Variants in ERAP1 observed in about 807,000 individuals in gnomAD.
The protein encoded by ERAP1 is adipocyte-derived leucine aminopeptidase.
In ERAP1, 86 loss-of-function variants were observed where a neutral mutation model predicts 103.7. The observed-to-expected ratio is 0.83, with a 90% CI of 0.70 to 0.99. The LOEUF (loss-of-function observed/expected upper bound fraction) is 0.99. Ranked by LOEUF, ERAP1 falls within the 50% of genes least tolerant of loss-of-function variation. ERAP1 has a pLI of 0.00. For missense variants in ERAP1, 1,009 were observed against 1,128.4 expected, an observed-to-expected ratio of 0.89 and a Z score of 1.52; for synonymous variants, 398 against 402.4, an observed-to-expected ratio of 0.99 and a Z score of 0.13.
chr5:96,770,279 G>A (rs770765416), downstream of ERAP1: 1 of 465,602 alleles, frequency 2.1e-6, no homozygotes, highest in Non-Finnish European at 4.0e-6. Flanking sequence ...GTCTGGGTGA[G>A]TCAGGCACCA....
chr5:96,882,981 G>C, the ERAP1 span, among the ~76,000 whole-genome samples: 1 of 152,116 alleles, frequency 6.6e-6, no homozygotes, highest in African/African-American at 2.4e-5. Context: ...TAACTGTACA[G>C]TTTCAGGCAT....
the ERAP1 span, among the ~76,000 whole-genome samples, chr5:96,845,654 C>G: frequency 6.6e-6 from 1 of 152,166 alleles, no homozygotes. Flanking sequence ...TTTGCCTATT[C>G]AAACTTTTAA....
At chr5:96,764,810 T>C (rs1769272209) in intron 19 of ERAP1, among the ~76,000 whole-genome samples, 1 of 152,228 alleles carries the variant, frequency 6.6e-6, no homozygotes, top group Non-Finnish European at 1.5e-5. Flanking sequence ...ATGTTTGTTT[T>C]CATATCCAGT....
the ERAP1 span, among the ~76,000 whole-genome samples, chr5:96,864,822 T>C: frequency 6.6e-6 from 1 of 152,154 alleles, no homozygotes; most frequent in Admixed American, 6.5e-5. Context: ...ACTTTTTTTT[T>C]CAAAGTGACT....
chr5:96,776,988 GTATGT>G (rs140652672), intron 18 of ERAP1: 14,653 of 165,188 alleles, frequency 0.089, 854 homozygotes, highest in Middle Eastern at 0.15. Context: ...GCCTGGCCTT[GTATGT>G]TATTATAGAA....
intron 3 of ERAP1, among the ~76,000 whole-genome samples, chr5:96,799,755 T>C (rs1219260612): frequency 6.6e-6 from 1 of 152,232 alleles, no homozygotes; most frequent in African/African-American, 2.4e-5. Flanking sequence ...AAATTTATAT[T>C]AGGAAAATAG....
the ERAP1 span, among the ~76,000 whole-genome samples, chr5:96,931,925 ATGTC>A: frequency 1.3e-5 from 2 of 152,332 alleles, no homozygotes; most frequent in East Asian, 3.9e-4. Flanking sequence ...GAAATGATAA[ATGTC>A]TGTATCATTT....
chr5:96,871,450 G>A, the ERAP1 span, among the ~76,000 whole-genome samples: 6 of 152,270 alleles, frequency 3.9e-5, no homozygotes, highest in African/African-American at 1.4e-4. Context: ...TTTTAAGTAG[G>A]GGAGAAGCCA....
At chr5:96,836,448 C>G in the ERAP1 span, among the ~76,000 whole-genome samples, 1 of 152,116 alleles carries the variant, frequency 6.6e-6, no homozygotes, top group Non-Finnish European at 1.5e-5. Context: ...GTGATCCCCC[C>G]ACTTCAGCCT....
the ERAP1 span, among the ~76,000 whole-genome samples, chr5:96,886,104 C>G: frequency 6.6e-6 from 1 of 152,222 alleles, no homozygotes; most frequent in African/African-American, 2.4e-5. Flanking sequence ...GTGGAACTAG[C>G]CATGTGATCT....
At chr5:96,846,162 A>G in the ERAP1 span, among the ~76,000 whole-genome samples, 1 of 152,320 alleles carries the variant, frequency 6.6e-6, no homozygotes, top group South Asian at 2.1e-4. Context: ...CTAGTTTAGC[A>G]GTTCTTAAAT....
the ERAP1 span, among the ~76,000 whole-genome samples, chr5:96,900,865 G>C: frequency 3.3e-5 from 5 of 152,056 alleles, no homozygotes; most frequent in African/African-American, 1.2e-4. Context: ...TTTCAGTAGA[G>C]ATGGGGTTTC....
the ERAP1 span, chr5:96,909,438 G>T: frequency 1.4e-6 from 1 of 701,180 alleles, no homozygotes. Flanking sequence ...GCCAGAAAAA[G>T]ATAAGAGAAA....
the ERAP1 span, among the ~76,000 whole-genome samples, chr5:96,913,035 A>T: frequency 1.3e-5 from 2 of 152,246 alleles, no homozygotes; most frequent in African/African-American, 2.4e-5. Context: ...TATCTTCAGA[A>T]ACTTGAAGAA....
At chr5:96,843,888 C>T in the ERAP1 span, among the ~76,000 whole-genome samples, 1 of 152,202 alleles carries the variant, frequency 6.6e-6, no homozygotes, top group Non-Finnish European at 1.5e-5. Flanking sequence ...AATTGCAAAT[C>T]ACAAAATCTT....
intron 8 of ERAP1, 34 bp downstream of exon 8, chr5:96,792,027 C>G: frequency 6.2e-7 from 1 of 1,612,296 alleles, no homozygotes; most frequent in Non-Finnish European, 8.5e-7. Flanking sequence ...ACTTTAGTAT[C>G]TAAACTGTAT....
At chr5:96,878,712 G>A in the ERAP1 span, among the ~76,000 whole-genome samples, 2 of 152,158 alleles carry the variant, frequency 1.3e-5, no homozygotes, top group African/African-American at 4.8e-5. Context: ...TGGATCACCT[G>A]AGGTCAGGAG....
chr5:96,917,202 G>A, the ERAP1 span, among the ~76,000 whole-genome samples: 12 of 151,626 alleles, frequency 7.9e-5, no homozygotes, highest in Admixed American at 5.3e-4. Context: ...CACCTGCTGG[G>A]TTCAAGCAAT....
chr5:96,761,227 A>G (rs986272207), exon 20 of ERAP1: 3 of 152,250 alleles, frequency 2.0e-5, no homozygotes, highest in Non-Finnish European at 2.9e-5. Flanking sequence ...TAATAAGTCA[A>G]TAAGATAGTT....
Sources: allele counts gnomAD v4.1 joint callset (sites outside exome capture counted in the v4.1 genomes callset), GRCh38; gene constraint gnomAD v4.1.1; transcripts MANE v1.5; gene names NCBI Gene and HGNC (gene_info 2026-07-23, HGNC 2026-07-21).